GRIN2B: variants seen among roughly 807,000 people sequenced by gnomAD.
GRIN2B encodes glutamate receptor ionotropic, NMDA 2B.
GRIN2B carries 5 observed loss-of-function variants against 114.5 expected under a neutral mutation model. The observed-to-expected ratio is 0.04, with a 90% CI of 0.02 to 0.09. The LOEUF (loss-of-function observed/expected upper bound fraction) is 0.09, where lower values mean the gene tolerates loss of function less well. GRIN2B is among the 10% of genes least tolerant of loss of function. The pLI is 1.00. For synonymous variants in GRIN2B, 787 were observed against 745.1 expected (o/e 1.06, Z -0.92); for missense variants, 1,108 against 1,943.5 (o/e 0.57, Z 8.08).
intron 4 of GRIN2B, among the ~76,000 whole-genome samples, chr12:13,712,297 T>G (rs1160445938): frequency 6.6e-6 from 1 of 151,800 alleles, no homozygotes; most frequent in Non-Finnish European, 1.5e-5. Flanking sequence ...AGTTAATGAG[T>G]GCGGCACACC....
At chr12:13,826,889 T>C (rs1865045927) in intron 3 of GRIN2B, among the ~76,000 whole-genome samples, 1 of 152,108 alleles carries the variant, frequency 6.6e-6, no homozygotes, top group South Asian at 2.1e-4. Context: ...GAAATACAAA[T>C]GTACCATTGA....
chr12:13,973,738 A>C (rs531388761), intron 2 of GRIN2B, among the ~76,000 whole-genome samples: 5 of 152,360 alleles, frequency 3.3e-5, no homozygotes, highest in African/African-American at 9.6e-5. Flanking sequence ...TTAATAAGTC[A>C]TCAGGCTGAG....
rs996928570 is a variant in GRIN2B at position 13,553,828 on chromosome 12, T to G, written c.*8955A>C. 2.0e-5 allele frequency: 3 copies of G among 152,196 alleles called. No individual in the cohort carries two copies. The highest frequency in any genetic ancestry group is 7.2e-5 in the African/African-American group (3 of 41,452). 9.4% of individuals were successfully genotyped at this position (152,196 alleles called of 1,614,324 possible). A position where few individuals can be genotyped will look rare whatever the true frequency, so the allele number is the denominator to read the frequency against. ...TTTGATCAATATCCTTCATAGTTTC[T>G]CCCTCTGTCACTTACTTGAACACAT... On this transcript the variant is annotated 3_prime_UTR_variant, in exon 14 of 14. Coordinates refer to ENST00000609686, the MANE Select transcript of GRIN2B (RefSeq NM_000834.5).
At chr12:13,809,621 T>G (rs558175872) in intron 3 of GRIN2B, among the ~76,000 whole-genome samples, 4 of 152,254 alleles carry the variant, frequency 2.6e-5, no homozygotes, top group African/African-American at 7.2e-5. Context: ...ATGGTCAGCA[T>G]GACAATTTGT....
At chr12:13,801,395 G>T (rs1403766965) in intron 3 of GRIN2B, among the ~76,000 whole-genome samples, 1 of 151,844 alleles carries the variant, frequency 6.6e-6, no homozygotes, top group Non-Finnish European at 1.5e-5. Flanking sequence ...ACAACTATTA[G>T]GAGCTCAAAA....
chr12:13,547,975 A>ATTTTTT lies in GRIN2B; in HGVS notation c.*14807_*14808insAAAAAA, dbSNP rs1323847688. 13 of 49,848 alleles carry ATTTTTT rather than the reference A, an allele frequency of 2.6e-4. No homozygotes were observed. Among genetic ancestry groups the ATTTTTT allele is most frequent in the Non-Finnish European group, 5.2e-4 (12 of 22,946 alleles). 3.1% of individuals were successfully genotyped at this position (49,848 alleles called of 1,614,324 possible). A position where few individuals can be genotyped will look rare whatever the true frequency, so the allele number is the denominator to read the frequency against. ...TATGTGTGTGTATATATATATATAT[A>ATTTTTT]TATATATTTTTTTTTTTTTTCTGAA... On this transcript the variant is annotated 3_prime_UTR_variant, in exon 14 of 14. Coordinates refer to ENST00000609686, the MANE Select transcript of GRIN2B (RefSeq NM_000834.5).
intron 3 of GRIN2B, among the ~76,000 whole-genome samples, chr12:13,831,168 C>G (rs1348148550): frequency 2.0e-5 from 3 of 152,220 alleles, no homozygotes; most frequent in East Asian, 3.9e-4. Context: ...TCAGAGGAAG[C>G]AGCATGAAGC....
intron 5 of GRIN2B, among the ~76,000 whole-genome samples, chr12:13,663,612 T>C (rs1343269299): frequency 6.6e-6 from 1 of 152,200 alleles, no homozygotes; most frequent in Non-Finnish European, 1.5e-5. Flanking sequence ...TTATTATTAA[T>C]TAAGACTCAC....
chr12:13,831,702 G>A (rs1865150654), intron 3 of GRIN2B, among the ~76,000 whole-genome samples: 1 of 152,214 alleles, frequency 6.6e-6, no homozygotes, highest in African/African-American at 2.4e-5. Flanking sequence ...AATGTCATAG[G>A]CCCCTTGTCT....
intron 2 of GRIN2B, among the ~76,000 whole-genome samples, chr12:13,931,311 C>T (rs1867026747): frequency 1.3e-5 from 2 of 152,202 alleles, no homozygotes; most frequent in Admixed American, 6.5e-5. Flanking sequence ...TTTGATCTCT[C>T]ATCTTCCTCT....
intron 4 of GRIN2B, among the ~76,000 whole-genome samples, chr12:13,684,771 C>T (rs537371605): frequency 6.6e-6 from 1 of 152,238 alleles, no homozygotes; most frequent in East Asian, 1.9e-4. Flanking sequence ...AGTAGGTAGG[C>T]TATCAAAACT....
intron 3 of GRIN2B, among the ~76,000 whole-genome samples, chr12:13,806,847 A>C (rs1186629161): frequency 2.0e-5 from 3 of 152,056 alleles, no homozygotes; most frequent in Non-Finnish European, 4.4e-5. Flanking sequence ...TATTTTTTAC[A>C]GTTTCTGGTC....
rs549140847 is a variant in GRIN2B, at chr12:13,734,172, C to T, written c.1010+19145G>A. ...TACTTAATCACATGAGTAAAATGAC[C>T]GAAATGATACTTGAAAAATACAAAA... On this transcript the variant is annotated intron_variant, in intron 4 of 13. Transcript: ENST00000609686. Among the ~76,000 whole-genome samples the T allele has an allele frequency of 2.3e-3, 343 of 152,012 alleles. 1 individual carries two copies. Among genetic ancestry groups the T allele is most frequent in the Non-Finnish European group, 3.5e-3 (240 of 67,994 alleles).
intron 4 of GRIN2B, among the ~76,000 whole-genome samples, chr12:13,730,287 T>A (rs562245759): frequency 9.2e-5 from 14 of 152,298 alleles, no homozygotes; most frequent in Non-Finnish European, 1.8e-4. Context: ...ACTTTCCAAA[T>A]ACAATGTTTT....
chr12:13,567,349 A>C, intron 12 of GRIN2B, 86 bp from the exon 13 acceptor site: 3 of 840,288 alleles, frequency 3.6e-6, no homozygotes, highest in Non-Finnish European at 6.0e-6. Flanking sequence ...GTATTGAGCA[A>C]GAAAGAGAAA....
chr12:13,675,610 C>T (rs1021429212), intron 5 of GRIN2B, 135 bp downstream of exon 5: 2 of 710,912 alleles, frequency 2.8e-6, no homozygotes, highest in Admixed American at 2.0e-5. Flanking sequence ...AATGGCTTCT[C>T]CTGTGTATCA....
intron 4 of GRIN2B, among the ~76,000 whole-genome samples, chr12:13,722,705 A>C (rs1021622306): frequency 1.3e-5 from 2 of 152,124 alleles, no homozygotes; most frequent in South Asian, 4.1e-4. Flanking sequence ...TAACATAGTA[A>C]GGAATGTAGC....
chr12:13,867,422 G>A (rs1865845323), intron 2 of GRIN2B, among the ~76,000 whole-genome samples: 1 of 151,954 alleles, frequency 6.6e-6, no homozygotes, highest in Non-Finnish European at 1.5e-5. Flanking sequence ...AACTAGTTCT[G>A]CTTATGTCGC....
chr12:13,570,705 G>A (rs1326936071), intron 11 of GRIN2B, among the ~76,000 whole-genome samples: 1 of 152,126 alleles, frequency 6.6e-6, no homozygotes, highest in African/African-American at 2.4e-5. Context: ...CATAAAAAAG[G>A]GAATAAGACC....
Sources: gnomAD v4.1 joint callset for allele counts (sites outside exome capture counted in the v4.1 genomes callset) on GRCh38, gnomAD v4.1.1 for gene constraint, MANE v1.5 for transcripts, NCBI Gene and HGNC (gene_info 2026-07-23, HGNC 2026-07-21) for gene names.